Variants in ADAMTSL1 observed in about 807,000 individuals in gnomAD.
ADAMTSL1 encodes the protein ADAMTS-like protein 1.
A neutral mutation model predicts 201.8 loss-of-function variants in ADAMTSL1; 126 were observed. The ratio of observed to expected loss-of-function variants is 0.62; its 90% CI spans 0.54 to 0.72. The LOEUF is 0.72. Ranked by LOEUF, ADAMTSL1 falls within the 30% of genes least tolerant of loss-of-function variation. The probability of loss-of-function intolerance (pLI) is 0.00; values close to 1 mark genes in which losing one functional copy is unlikely to be tolerated. For synonymous variants in ADAMTSL1, 1,121 were observed against 903.4 expected, an observed-to-expected ratio of 1.24 and a Z score of -4.32; for missense variants, 2,679 against 2,277.8, an observed-to-expected ratio of 1.18 and a Z score of -3.59.
At chr9:17,975,961 A>G (rs1479814350) in intron 1 of ADAMTSL1, among the ~76,000 whole-genome samples, 1 of 152,030 alleles carries the variant, frequency 6.6e-6, no homozygotes, top group Non-Finnish European at 1.5e-5. Context: ...TTCCAACACT[A>G]TTTATTGAAG....
Position 18,908,695 on chromosome 9 carries a change from T to G in ADAMTSL1, c.*147T>G. The G allele has an allele frequency of 1.6e-6, 1 of 630,634 alleles. No individual in the cohort carries two copies. The highest frequency in any genetic ancestry group is 2.7e-6 in the Non-Finnish European group (1 of 365,230). The allele number at this position is 630,634 out of a possible 1,614,324, so 39.1% of individuals were successfully genotyped here. A position where few individuals can be genotyped will look rare whatever the true frequency, so the allele number is the denominator to read the frequency against. On this transcript the variant is annotated 3_prime_UTR_variant, in exon 29 of 29. Coordinates refer to ENST00000380548, the MANE Select transcript of ADAMTSL1 (RefSeq NM_001040272.6). ...CCTTCCAACCTCCTCCACCTCCACCTTCAAGCATAAGGACGTCCGCGTGTT... is the reference window on the plus strand; with the variant it reads ...CCTTCCAACCTCCTCCACCTCCACCGTCAAGCATAAGGACGTCCGCGTGTT...
At chr9:18,726,572 C>T (rs1767185479) in intron 15 of ADAMTSL1, among the ~76,000 whole-genome samples, 1 of 151,050 alleles carries the variant, frequency 6.6e-6, no homozygotes, top group Non-Finnish European at 1.5e-5. Flanking sequence ...ATGACATGAG[C>T]AGCCCAAGGA....
rs751071846 is a variant in ADAMTSL1, at chr9:18,504,888, A to T, written c.123A>T (p.Pro41=). ...ACGGCCTATGGGATGCCTGGGGCCC[A>T]TGGAGTGAATGCTCACGCACCTGCG... ...DRDGLWDAWG[P]WSECSRTCGG... The change falls in exon 2 of 29, where the codon CCA becomes CCT. Residue 41 remains proline, a synonymous_variant. Coordinates refer to ENST00000380548, the MANE Select transcript of ADAMTSL1 (RefSeq NM_001040272.6). 6.2e-7 allele frequency: 1 copy of T among 1,613,394 alleles called. No individual in the cohort carries two copies. Among genetic ancestry groups the T allele is most frequent in the Non-Finnish European group, 8.5e-7 (1 of 1,179,820 alleles).
intron 3 of ADAMTSL1, among the ~76,000 whole-genome samples, chr9:18,534,827 C>T (rs1464402979): frequency 6.6e-6 from 1 of 152,208 alleles, no homozygotes; most frequent in African/African-American, 2.4e-5. Context: ...GTACCTTGGC[C>T]ACTTTTAGCC....
intron 1 of ADAMTSL1, among the ~76,000 whole-genome samples, chr9:18,020,816 A>T (rs1023143369): frequency 1.3e-5 from 2 of 152,102 alleles, no homozygotes; most frequent in Non-Finnish European, 2.9e-5. Context: ...TTTGTTTGCT[A>T]TTTGATCAGC....
Position 18,028,304 on chromosome 9 carries a change from A to G in ADAMTSL1, c.87+121382A>G, listed in dbSNP as rs76896920. On this transcript the variant is annotated intron_variant, in intron 1 of 29. Transcript: ENST00000680146. ...TAGCAGGTATTGTTCCTTTGTTTCT[A>G]TCTTTAGAACTCACTTAATGTTCTC... Among the ~76,000 whole-genome samples the G allele has an allele frequency of 7.0e-3, 1,070 of 152,170 alleles. 13 individuals carry two copies. Among genetic ancestry groups the G allele is most frequent in the African/African-American group, 0.024 (1,001 of 41,534 alleles).
At chr9:18,287,758 T>C (rs1187551238) in intron 2 of ADAMTSL1, among the ~76,000 whole-genome samples, 2 of 151,536 alleles carry the variant, frequency 1.3e-5, no homozygotes, top group Non-Finnish European at 1.5e-5. Context: ...CAGGGAGATA[T>C]ATTGGGGTGC....
chr9:18,049,260 G>A (rs1821813558), intron 1 of ADAMTSL1, among the ~76,000 whole-genome samples: 1 of 152,142 alleles, frequency 6.6e-6, no homozygotes, highest in African/African-American at 2.4e-5. Flanking sequence ...GAGACACAAT[G>A]TAACTCATTA....
intron 1 of ADAMTSL1, among the ~76,000 whole-genome samples, chr9:18,053,270 C>T (rs1822017527): frequency 6.6e-6 from 1 of 151,922 alleles, no homozygotes; most frequent in Non-Finnish European, 1.5e-5. Flanking sequence ...TGATCTAGAT[C>T]TTATAATGAG....
At chr9:18,454,601 C>T (rs77112374) in intron 2 of ADAMTSL1, among the ~76,000 whole-genome samples, 2,160 of 152,288 alleles carry the variant, frequency 0.014, 41 homozygotes, top group African/African-American at 0.05. Context: ...ATTGTTATGG[C>T]AATTCAGGCT....
chr9:18,490,793 A>G (rs151028606), intron 1 of ADAMTSL1, among the ~76,000 whole-genome samples: 1 of 152,336 alleles, frequency 6.6e-6, no homozygotes. Context: ...GTGGTGAATT[A>G]CAGGATGCTG....
intron 1 of ADAMTSL1, among the ~76,000 whole-genome samples, chr9:18,033,168 G>A (rs116924883): frequency 2.6e-5 from 4 of 151,968 alleles, no homozygotes; most frequent in African/African-American, 4.8e-5. Context: ...ATTTAATGTC[G>A]CTATCAAGGA....
At chr9:18,089,574 C>T (rs548192409) in intron 1 of ADAMTSL1, among the ~76,000 whole-genome samples, 24 of 152,158 alleles carry the variant, frequency 1.6e-4, no homozygotes, top group Admixed American at 5.9e-4. Context: ...TGTAACAAAC[C>T]TGAATGTTCT....
chr9:18,818,918 A>T (rs1424000641), intron 21 of ADAMTSL1, among the ~76,000 whole-genome samples: 1 of 152,180 alleles, frequency 6.6e-6, no homozygotes, highest in Non-Finnish European at 1.5e-5. Flanking sequence ...ATCTAGAACC[A>T]AGTCCCTTCA....
chr9:18,459,138 T>C (rs1473808679), intron 2 of ADAMTSL1, among the ~76,000 whole-genome samples: 1 of 152,214 alleles, frequency 6.6e-6, no homozygotes, highest in African/African-American at 2.4e-5. Context: ...CTTGAGACAA[T>C]AGTCCTATGC....
intron 1 of ADAMTSL1, among the ~76,000 whole-genome samples, chr9:18,062,360 A>G (rs1822495495): frequency 1.3e-5 from 2 of 152,194 alleles, no homozygotes; most frequent in South Asian, 4.1e-4. Context: ...AATAGTTTGC[A>G]GAATATCACA....
chr9:18,526,640 A>G (rs1034750814), intron 2 of ADAMTSL1, among the ~76,000 whole-genome samples: 1 of 152,182 alleles, frequency 6.6e-6, no homozygotes, highest in Non-Finnish European at 1.5e-5. Context: ...CCTTGTGGTA[A>G]CAAAATCTCT....
At chr9:18,553,563 T>G (rs1240267782) in intron 3 of ADAMTSL1, among the ~76,000 whole-genome samples, 1 of 151,858 alleles carries the variant, frequency 6.6e-6, no homozygotes, top group Non-Finnish European at 1.5e-5. Flanking sequence ...ACTTTCCTTT[T>G]ATCTGGAGTA....
At chr9:18,499,388 C>T (rs528282317) in intron 1 of ADAMTSL1, among the ~76,000 whole-genome samples, 25 of 152,270 alleles carry the variant, frequency 1.6e-4, no homozygotes, top group African/African-American at 4.6e-4. Flanking sequence ...ATACAGTTGG[C>T]GGCAGAACCA....
Sources: allele counts gnomAD v4.1 joint callset (sites outside exome capture counted in the v4.1 genomes callset), GRCh38; gene constraint gnomAD v4.1.1; transcripts MANE v1.5; gene names NCBI Gene and HGNC (gene_info 2026-07-23, HGNC 2026-07-21).